The following BCKDHB variants were observed in gnomAD, a reference collection of about 807,000 sequenced individuals.
BCKDHB encodes the protein 2-oxoisovalerate dehydrogenase subunit beta, mitochondrial.
BCKDHB carries 41 observed loss-of-function variants against 48.5 expected under a neutral mutation model. That is an observed-to-expected ratio of 0.85 (90% CI 0.66 to 1.10). BCKDHB has a LOEUF of 1.10. Ranked by LOEUF, BCKDHB falls within the 50% of genes least tolerant of loss-of-function variation. The pLI is 0.00. For missense variants in BCKDHB, 496 were observed against 494.2 expected (o/e 1.00, Z -0.03); for synonymous variants, 201 against 174.8 (o/e 1.15, Z -1.18).
intron 1 of BCKDHB, among the ~76,000 whole-genome samples, chr6:80,123,223 CAT>C (rs770352378): frequency 1.6e-4 from 25 of 152,240 alleles, no homozygotes; most frequent in African/African-American, 3.1e-4. Context: ...TTCAAACACA[CAT>C]GTTTTACAAT....
At chr6:80,248,904 G>A (rs62408579) in intron 8 of BCKDHB, among the ~76,000 whole-genome samples, 29 of 6,222 alleles carry the variant, frequency 4.7e-3, no homozygotes, top group East Asian at 5.8e-3. Context: ...GTGTGTGTAT[G>A]TGTGTGTGTG....
the BCKDHB span, among the ~76,000 whole-genome samples, chr6:80,397,397 T>C: frequency 6.6e-6 from 1 of 152,064 alleles, no homozygotes; most frequent in Non-Finnish European, 1.5e-5. Flanking sequence ...TTAAAGGCAA[T>C]TGTGTGTGTG....
chr6:80,272,837 AAC>A (rs1562193517), intron 8 of BCKDHB, among the ~76,000 whole-genome samples: 1 of 152,218 alleles, frequency 6.6e-6, no homozygotes, highest in African/African-American at 2.4e-5. Context: ...TTCAGTTTAT[AAC>A]ACAAACGTAT....
the BCKDHB span, among the ~76,000 whole-genome samples, chr6:80,366,563 A>C: frequency 5.0e-4 from 76 of 152,300 alleles, no homozygotes; most frequent in East Asian, 7.7e-4. Flanking sequence ...AGTGATTTAC[A>C]TAATATTTTC....
chr6:80,461,977 C>CT, the BCKDHB span, among the ~76,000 whole-genome samples: 433 of 151,416 alleles, frequency 2.9e-3, 1 homozygote, highest in Middle Eastern at 0.027. Context: ...TACCAATGTA[C>CT]TTTTTTTTTC....
chr6:80,132,651 C>G, intron 3 of BCKDHB, among the ~76,000 whole-genome samples: 1 of 152,134 alleles, frequency 6.6e-6, no homozygotes. Context: ...GGCTAAGTAA[C>G]TCTTTTAGCT....
intron 8 of BCKDHB, among the ~76,000 whole-genome samples, chr6:80,236,073 C>A (rs1776134959): frequency 6.6e-6 from 1 of 152,194 alleles, no homozygotes. Flanking sequence ...ATTTTTCAAT[C>A]TCAAGTTTAT....
At chr6:80,113,468 G>A (rs1215345655) in intron 1 of BCKDHB, among the ~76,000 whole-genome samples, 1 of 152,248 alleles carries the variant, frequency 6.6e-6, no homozygotes, top group Non-Finnish European at 1.5e-5. Flanking sequence ...TTTCACTGGA[G>A]TGTGGCCCCG....
chr6:80,245,939 T>C (rs1468824499), intron 8 of BCKDHB, among the ~76,000 whole-genome samples: 4 of 151,924 alleles, frequency 2.6e-5, no homozygotes, highest in Admixed American at 2.6e-4. Context: ...TAGCCAAACA[T>C]GGTGGTATGT....
chr6:80,210,770 G>A (rs1300798083), intron 8 of BCKDHB, among the ~76,000 whole-genome samples: 1 of 152,100 alleles, frequency 6.6e-6, no homozygotes, highest in Admixed American at 6.6e-5. Flanking sequence ...ACTCAGCTCA[G>A]CTGTCATGCT....
At chr6:80,432,906 A>G in the BCKDHB span, among the ~76,000 whole-genome samples, 1 of 152,056 alleles carries the variant, frequency 6.6e-6, no homozygotes, top group Non-Finnish European at 1.5e-5. Flanking sequence ...TTTTCTTTCT[A>G]ACAGTTAGCC....
At chr6:80,194,241 T>A (rs1468328657) in intron 6 of BCKDHB, among the ~76,000 whole-genome samples, 1 of 152,220 alleles carries the variant, frequency 6.6e-6, no homozygotes, top group African/African-American at 2.4e-5. Context: ...TTAAAAATTT[T>A]GTTAAAATTT....
At chr6:80,114,924 G>A (rs1400060289) in intron 1 of BCKDHB, among the ~76,000 whole-genome samples, 5 of 152,212 alleles carry the variant, frequency 3.3e-5, no homozygotes, top group African/African-American at 1.2e-4. Context: ...AAGCACCATT[G>A]TTTCTTGACA....
At chr6:80,174,182 C>T (rs1473811250) in intron 6 of BCKDHB, among the ~76,000 whole-genome samples, 1 of 151,986 alleles carries the variant, frequency 6.6e-6, no homozygotes, top group African/African-American at 2.4e-5. Context: ...GATGAAAACA[C>T]AAAATTGTAC....
At chr6:80,448,393 G>A in the BCKDHB span, among the ~76,000 whole-genome samples, 2 of 152,144 alleles carry the variant, frequency 1.3e-5, no homozygotes, top group South Asian at 2.1e-4. Flanking sequence ...TGGATGCTAT[G>A]TGAAGAATAT....
the BCKDHB span, chr6:80,356,154 T>C: frequency 1.3e-5 from 2 of 152,212 alleles, no homozygotes; most frequent in African/African-American, 4.8e-5. Flanking sequence ...TCCCAGAGAA[T>C]GGGCTTCTTG....
chr6:80,222,965 G>A (rs915907010), intron 8 of BCKDHB, among the ~76,000 whole-genome samples: 7 of 152,134 alleles, frequency 4.6e-5, no homozygotes, highest in Non-Finnish European at 8.8e-5. Context: ...CAACACATTA[G>A]AAGATGGGGA....
At position 80,194,024 on chromosome 6, in the gene BCKDHB, G is replaced by A. The variant is rs146442893; in HGVS notation, c.743-6910G>A. Among the ~76,000 whole-genome samples the A allele has an allele frequency of 1.6e-3, 240 of 152,158 alleles. 2 individuals carry two copies. Among genetic ancestry groups the A allele is most frequent in the African/African-American group, 5.3e-3 (221 of 41,518 alleles). On this transcript the variant is annotated intron_variant, in intron 6 of 9. Coordinates refer to ENST00000320393, the MANE Select transcript of BCKDHB (RefSeq NM_183050.4). ...ATCCTCATTTTCTTCATTTGTACTAGCATTTCCAAACAGAATTTGTTTCAC... is the reference window on the plus strand; with the variant it reads ...ATCCTCATTTTCTTCATTTGTACTAACATTTCCAAACAGAATTTGTTTCAC...
At chr6:80,439,030 C>T in the BCKDHB span, among the ~76,000 whole-genome samples, 1 of 152,206 alleles carries the variant, frequency 6.6e-6, no homozygotes, top group African/African-American at 2.4e-5. Flanking sequence ...ATTGCTCCCT[C>T]ATCCTCTGGG....
Sources: allele counts gnomAD v4.1 joint callset (sites outside exome capture counted in the v4.1 genomes callset), GRCh38; gene constraint gnomAD v4.1.1; transcripts MANE v1.5; gene names NCBI Gene and HGNC (gene_info 2026-07-23, HGNC 2026-07-21).